CCDC25: variants seen among roughly 807,000 people sequenced by gnomAD.
CCDC25 encodes the protein coiled-coil domain containing 25.
CCDC25 carries 16 observed loss-of-function variants against 35.3 expected under a neutral mutation model. That is an observed-to-expected ratio of 0.45 (90% CI 0.31 to 0.69). CCDC25 has a LOEUF of 0.69. CCDC25 is among the 30% of genes least tolerant of loss of function. CCDC25 has a pLI of 0.06. For missense variants in CCDC25, 179 were observed against 250.7 expected (o/e 0.71, Z 1.93); for synonymous variants, 79 against 80.3 (o/e 0.98, Z 0.09).
rs202197146 is a variant in CCDC25 at position 27,748,170 on chromosome 8, C to A, written c.458G>T (p.Arg153Leu). 2.5e-6 allele frequency: 4 copies of A among 1,613,674 alleles called. No individual in the cohort carries two copies. The African/African-American group carries it at 5.3e-5, about 22-fold the overall frequency. Residue 153 changes from arginine (R) to leucine (L), a missense_variant, in exon 7 of 9, where the codon CGT (arginine) becomes CTT (leucine). Coordinates refer to ENST00000356537, the MANE Select transcript of CCDC25 (RefSeq NM_018246.3). ...DLAAEKECRD[R>L]EERNEKKAQI... ...GGCTTTTTTCTCATTCCTCTCTTCACGATCTCTGCATTCTTTCTCTGCTGC... is the reference window on the plus strand; with the variant it reads ...GGCTTTTTTCTCATTCCTCTCTTCAAGATCTCTGCATTCTTTCTCTGCTGC...
rs111692819 is a variant in CCDC25, at chr8:27,762,547, T to A, written c.77-89A>T. On this transcript the variant is annotated intron_variant, in intron 2 of 8. Coordinates refer to ENST00000356537, the MANE Select transcript of CCDC25 (RefSeq NM_018246.3). Reference sequence around the variant, plus strand: ...TAAGAATGGGAGAAATGTCAGCTCCTCCCACAAATTTCTCTCTCCCTCAAT... The same window carrying A: ...TAAGAATGGGAGAAATGTCAGCTCCACCCACAAATTTCTCTCTCCCTCAAT... The A allele has an allele frequency of 4.6e-4, 541 of 1,166,532 alleles. 3 individuals are homozygous for A. In the African/African-American group the frequency reaches 7.7e-3, roughly 17 times the overall value. The allele number at this position is 1,166,532 out of a possible 1,614,324, so 72.3% of individuals were successfully genotyped here.
At chr8:27,749,355 T>G (rs1803716615) in intron 5 of CCDC25, among the ~76,000 whole-genome samples, 1 of 152,200 alleles carries the variant, frequency 6.6e-6, no homozygotes. Context: ...TAAATCCCCA[T>G]GTACACTGGA....
chr8:27,765,303 T>C lies in CCDC25; in HGVS notation c.29-52A>G, dbSNP rs149932584. On this transcript the variant is annotated intron_variant, in intron 1 of 8. Transcript: ENST00000356537. ...ATTAGTAACTTCATCACCAACAAAA[T>C]TGTTTCATGTGAAAAACAAGTGACA... 1,342 of 1,339,450 alleles carry C rather than the reference T, an allele frequency of 1.0e-3. 46 individuals carry two copies. The East Asian group carries it at 0.037, about 37-fold the overall frequency. The allele number at this position is 1,339,450 out of a possible 1,614,324, so 83.0% of individuals were successfully genotyped here.
At chr8:27,756,796 G>A in intron 3 of CCDC25, 26 bp from the exon 4 acceptor site, 1 of 1,570,538 alleles carries the variant, frequency 6.4e-7, no homozygotes. Flanking sequence ...ACCACTTTTA[G>A]CAAGAGGTAC....
At chr8:27,747,998 T>A (rs1018149568) in intron 7 of CCDC25, 79 bp downstream of exon 7, 2 of 1,374,220 alleles carry the variant, frequency 1.5e-6, no homozygotes, top group Admixed American at 3.5e-5. Flanking sequence ...CAATATATCG[T>A]TCTTAATGGC....
At chr8:27,762,853 T>TA (rs1354567522) in intron 2 of CCDC25, among the ~76,000 whole-genome samples, 1 of 152,060 alleles carries the variant, frequency 6.6e-6, no homozygotes, top group Admixed American at 6.5e-5. Context: ...TAAGAAAAAT[T>TA]AACTTGATTA....
chr8:27,762,346 A>T, intron 3 of CCDC25, 73 bp downstream of exon 3: 1 of 1,309,064 alleles, frequency 7.6e-7, no homozygotes. Flanking sequence ...GCATGATTCT[A>T]GTTTGAATGC....
chr8:27,756,458 T>A, intron 4 of CCDC25: 1 of 380,626 alleles, frequency 2.6e-6, no homozygotes. Flanking sequence ...AAAGCAGAGA[T>A]GACAGACAGC....
chr8:27,758,732 A>G (rs1003219986), intron 3 of CCDC25, among the ~76,000 whole-genome samples: 3 of 152,192 alleles, frequency 2.0e-5, no homozygotes, highest in Non-Finnish European at 2.9e-5. Flanking sequence ...CTTCTTCCCT[A>G]TGTACCTATA....
rs921118235 is a variant in CCDC25 at position 27,772,630 on chromosome 8, C to T, written c.-90G>A. On this transcript the variant is annotated 5_prime_UTR_variant, in exon 1 of 9. Coordinates refer to ENST00000356537, the MANE Select transcript of CCDC25 (RefSeq NM_018246.3). Reference sequence around the variant, plus strand: ...TACCAGACTCGCGGCGGCCGCCTGGCCCCCGGAACTCCTCCGTGCACTTCC... The same window carrying T: ...TACCAGACTCGCGGCGGCCGCCTGGTCCCCGGAACTCCTCCGTGCACTTCC... 87 of 1,325,974 alleles carry T rather than the reference C, an allele frequency of 6.6e-5. No homozygotes were observed. The highest frequency in any genetic ancestry group is 8.5e-5 in the Non-Finnish European group (81 of 951,614). 82.1% of individuals were successfully genotyped at this position (1,325,974 alleles called of 1,614,324 possible).
At chr8:27,752,640 T>C in intron 4 of CCDC25, 53 bp from the exon 5 acceptor site, 9 of 1,390,716 alleles carry the variant, frequency 6.5e-6, no homozygotes, top group Middle Eastern at 1.8e-4. Context: ...CCATTGACAC[T>C]GGAGCACTCA....
intron 1 of CCDC25, among the ~76,000 whole-genome samples, chr8:27,768,031 G>A (rs1585378250): frequency 1.0e-5 from 1 of 95,440 alleles, no homozygotes; most frequent in African/African-American, 3.8e-5. Context: ...AGGAAACCCT[G>A]TCTCTATAAA....
At chr8:27,751,061 AGAG>A (rs1388244610) in intron 5 of CCDC25, among the ~76,000 whole-genome samples, 2 of 152,224 alleles carry the variant, frequency 1.3e-5, no homozygotes, top group Non-Finnish European at 2.9e-5. Flanking sequence ...AGAAGGCTGA[AGAG>A]GAGAGAAACA....
chr8:27,740,606 G>T, intron 7 of CCDC25, 89 bp from the exon 8 acceptor site: 1 of 1,093,752 alleles, frequency 9.1e-7, no homozygotes, highest in Non-Finnish European at 1.3e-6. Flanking sequence ...ATCCAGCACT[G>T]CTCAGGGGCT....
chr8:27,761,455 T>C (rs1485681210), intron 3 of CCDC25, among the ~76,000 whole-genome samples: 1 of 149,686 alleles, frequency 6.7e-6, no homozygotes, highest in Non-Finnish European at 1.5e-5. Context: ...GTTAAATGTA[T>C]TAATGGAGGT....
At chr8:27,771,543 G>A (rs1035278457) in intron 1 of CCDC25, among the ~76,000 whole-genome samples, 1 of 152,052 alleles carries the variant, frequency 6.6e-6, no homozygotes, top group Non-Finnish European at 1.5e-5. Context: ...AAACCTTATT[G>A]TACTGTACTC....
chr8:27,769,497 T>C (rs908222809), intron 1 of CCDC25, among the ~76,000 whole-genome samples: 4 of 152,230 alleles, frequency 2.6e-5, no homozygotes, highest in African/African-American at 9.6e-5. Flanking sequence ...ATATCTATGT[T>C]GTTGAAGATT....
chr8:27,768,749 T>C (rs1311798273), intron 1 of CCDC25, among the ~76,000 whole-genome samples: 6 of 152,202 alleles, frequency 3.9e-5, no homozygotes, highest in African/African-American at 1.4e-4. Context: ...TGGAAGACAC[T>C]TGACTTACGG....
rs117011523 is a variant in CCDC25, at chr8:27,770,889, C to T, written c.28+1624G>A. Among the ~76,000 whole-genome samples the T allele has an allele frequency of 1.4e-3, 215 of 152,280 alleles. 2 individuals carry two copies. In the East Asian group the frequency reaches 0.028, roughly 20 times the overall value. ...ATTGAGAACTACTAACCAGTCACTA[C>T]GTTAGGGAAACAAGTACAGTAGTCC... On this transcript the variant is annotated intron_variant, in intron 1 of 8. Coordinates refer to ENST00000356537, the MANE Select transcript of CCDC25 (RefSeq NM_018246.3).
Sources: gnomAD v4.1 joint callset for allele counts (sites outside exome capture counted in the v4.1 genomes callset) on GRCh38, gnomAD v4.1.1 for gene constraint, MANE v1.5 for transcripts, NCBI Gene and HGNC (gene_info 2026-07-23, HGNC 2026-07-21) for gene names.